Variants in STOX2 observed in about 807,000 individuals in gnomAD.
STOX2 encodes storkhead-box protein 2.
In STOX2, 28 loss-of-function variants were observed where a neutral mutation model predicts 60.9. The ratio of observed to expected loss-of-function variants is 0.46; its 90% CI spans 0.34 to 0.63. STOX2 has a LOEUF of 0.63. Among genes scored for constraint, STOX2 ranks in the 30% least tolerant of loss-of-function variants. The pLI, the probability that STOX2 is intolerant of heterozygous loss-of-function variation, is 0.01. For missense variants in STOX2, 1,024 were observed against 1,187.7 expected, an observed-to-expected ratio of 0.86 and a Z score of 2.03; for synonymous variants, 472 against 463.9, an observed-to-expected ratio of 1.02 and a Z score of -0.22.
chr4:183,939,322 C>A (rs1011565285), intron 1 of STOX2, among the ~76,000 whole-genome samples: 1 of 152,182 alleles, frequency 6.6e-6, no homozygotes, highest in African/African-American at 2.4e-5. Context: ...AGTCCTCCTT[C>A]GTCTGTGGCT....
At position 183,865,951 on chromosome 4, in the gene STOX2, G is replaced by T. The variant is rs1375821357; in HGVS notation, c.364+67896G>T. 2.0e-5 allele frequency among the ~76,000 whole-genome samples: 3 copies of T among 152,146 alleles called. No individual in the cohort carries two copies. Among genetic ancestry groups the T allele is most frequent in the Non-Finnish European group, 4.4e-5 (3 of 68,032 alleles). On this transcript the variant is annotated intron_variant, in intron 1 of 2. Transcript: ENST00000513034. This position sits in a 1 kb window ranked among gnomAD's most constrained non-coding sequence, Gnocchi z 4.1. Reference sequence around the variant, plus strand: ...TAAAGATTAGGCTTTAGGAAAAATGGAAGACGGAGTTGACACAGGTGAATA... The same window carrying T: ...TAAAGATTAGGCTTTAGGAAAAATGTAAGACGGAGTTGACACAGGTGAATA...
chr4:183,898,283 A>G (rs1331952134), intron 1 of STOX2, among the ~76,000 whole-genome samples: 2 of 152,072 alleles, frequency 1.3e-5, no homozygotes, highest in Non-Finnish European at 1.5e-5. Flanking sequence ...CAGGGAGAGC[A>G]GTGAGAGGAG....
intron 1 of STOX2, among the ~76,000 whole-genome samples, chr4:183,878,401 G>A (rs910537120): frequency 6.6e-6 from 1 of 152,098 alleles, no homozygotes; most frequent in Non-Finnish European, 1.5e-5. Flanking sequence ...GGTGGTTTTG[G>A]CCACGGAAAA....
intron 1 of STOX2, among the ~76,000 whole-genome samples, chr4:183,880,030 C>A (rs914419641): frequency 6.6e-6 from 1 of 151,976 alleles, no homozygotes; most frequent in African/African-American, 2.4e-5. Context: ...GCTCTGTTGC[C>A]CAGAGTTGCA....
chr4:183,888,236 C>CAA (rs1249224032), intron 1 of STOX2, among the ~76,000 whole-genome samples: 8 of 152,172 alleles, frequency 5.3e-5, no homozygotes, highest in Admixed American at 2.0e-4. Context: ...CCTCCTTAGA[C>CAA]CCTTCCCCTA....
At position 183,864,159 on chromosome 4, in the gene STOX2, C is replaced by T. The variant is rs117605399; in HGVS notation, c.364+66104C>T. Among the ~76,000 whole-genome samples the T allele has an allele frequency of 6.1e-4, 93 of 152,104 alleles. No individual in the cohort carries two copies. The East Asian group carries it at 0.015, about 24-fold the overall frequency. On this transcript the variant is annotated intron_variant, in intron 1 of 2. Transcript: ENST00000513034. ...AAATATGAGGAAATACAGAGGTAAA[C>T]GAGGCTGTTTACTGCAGGACTTCTC... is the stretch of plus-strand genomic sequence containing the variant.
intron 1 of STOX2, among the ~76,000 whole-genome samples, chr4:183,993,443 G>A (rs1441305068): frequency 1.3e-5 from 2 of 152,182 alleles, no homozygotes; most frequent in African/African-American, 4.8e-5. Flanking sequence ...CCCATTAGAA[G>A]TTTCTTAGTA....
intron 1 of STOX2, among the ~76,000 whole-genome samples, chr4:183,947,083 G>C (rs1356069989): frequency 5.1e-5 from 2 of 38,966 alleles, no homozygotes; most frequent in Admixed American, 3.3e-4. Flanking sequence ...TCCTGGTGGG[G>C]GGTGGGGCAA....
chr4:183,877,959 G>A (rs1740869966), intron 1 of STOX2, among the ~76,000 whole-genome samples: 1 of 152,092 alleles, frequency 6.6e-6, no homozygotes, highest in Admixed American at 6.6e-5. Flanking sequence ...CAAAGTGCTG[G>A]GATTACAGGT....
At chr4:183,971,962 G>T (rs948794694) in intron 1 of STOX2, among the ~76,000 whole-genome samples, 11 of 152,204 alleles carry the variant, frequency 7.2e-5, no homozygotes, top group Non-Finnish European at 1.3e-4. Context: ...CTCCGAGGTA[G>T]CCCGAAATCC....
At chr4:183,974,371 A>G (rs944758120) in intron 1 of STOX2, among the ~76,000 whole-genome samples, 4 of 152,200 alleles carry the variant, frequency 2.6e-5, no homozygotes, top group African/African-American at 7.2e-5. Context: ...TTAAATTTCA[A>G]CGTATAACTA....
chr4:184,011,720 T>G lies in STOX2; in HGVS notation c.2585+297T>G. 1 of 999,688 alleles carries G rather than the reference T, an allele frequency of 1.0e-6. No individual in the cohort carries two copies. Among genetic ancestry groups the G allele is most frequent in the Admixed American group, 3.4e-5 (1 of 29,144 alleles). 61.9% of individuals were successfully genotyped at this position (999,688 alleles called of 1,614,324 possible). A position where few individuals can be genotyped will look rare whatever the true frequency, so the allele number is the denominator to read the frequency against. On this transcript the variant is annotated intron_variant, in intron 3 of 3. Coordinates refer to ENST00000308497, the MANE Select transcript of STOX2 (RefSeq NM_020225.3). This position sits in a 1 kb window ranked among gnomAD's most constrained non-coding sequence, Gnocchi z 4.4. ...CAGTATTTTTTCTGCTACGTTCATA[T>G]TGCCACCCATGCTAAGAGAAGGATG...
intron 2 of STOX2, among the ~76,000 whole-genome samples, chr4:184,005,364 T>C (rs1376199439): frequency 9.9e-6 from 1 of 101,290 alleles, no homozygotes; most frequent in East Asian, 2.8e-4. Context: ...GTGGCTGAGG[T>C]ACAATAATCA....
rs56387618 is a variant in STOX2 at position 184,001,953 on chromosome 4, T to TA, written c.319+477dup. 0.14 allele frequency among the ~76,000 whole-genome samples: 21,887 copies of TA among 152,220 alleles called. 2,113 individuals are homozygous for TA. Among genetic ancestry groups the TA allele is most frequent in the East Asian group, 0.35 (1,819 of 5,182 alleles). On this transcript the variant is annotated intron_variant, in intron 2 of 3. Transcript: ENST00000308497. The surrounding 1 kb of genome is among the most constrained non-coding windows in gnomAD (Gnocchi z 4.2). Reference sequence around the variant, plus strand: ...ATTTCATTTTAAAAAATAAAATACTTACTTTTCTCTTAAATGTTATAAAAA... The same window carrying TA: ...ATTTCATTTTAAAAAATAAAATACTTAACTTTTCTCTTAAATGTTATAAAAA...
At chr4:183,887,327 C>G (rs1414497330) in intron 1 of STOX2, among the ~76,000 whole-genome samples, 1 of 151,770 alleles carries the variant, frequency 6.6e-6, no homozygotes, top group Non-Finnish European at 1.5e-5. Flanking sequence ...AAGAGGACAA[C>G]CATTTGTCAG....
intron 1 of STOX2, among the ~76,000 whole-genome samples, chr4:183,928,970 A>C (rs892028189): frequency 3.3e-5 from 5 of 152,194 alleles, no homozygotes; most frequent in African/African-American, 1.2e-4. Flanking sequence ...GAAGCTTTGG[A>C]TAAAGTGTGA....
intron 1 of STOX2, among the ~76,000 whole-genome samples, chr4:183,950,823 A>G (rs1444127842): frequency 6.6e-6 from 1 of 152,158 alleles, no homozygotes; most frequent in African/African-American, 2.4e-5. Flanking sequence ...GGCTGGTAGG[A>G]GGGAGCAGCT....
intron 1 of STOX2, among the ~76,000 whole-genome samples, chr4:183,875,609 C>G (rs1740811767): frequency 6.6e-6 from 1 of 152,188 alleles, no homozygotes; most frequent in Non-Finnish European, 1.5e-5. Flanking sequence ...TTGCAAAGCC[C>G]TCTAAGAAAA....
At chr4:183,897,689 A>G (rs562276324) in intron 1 of STOX2, among the ~76,000 whole-genome samples, 5 of 152,390 alleles carry the variant, frequency 3.3e-5, no homozygotes, top group African/African-American at 1.2e-4. Flanking sequence ...AATACACTTC[A>G]GATGCATTAG....
Sources: allele counts gnomAD v4.1 joint callset (sites outside exome capture counted in the v4.1 genomes callset), GRCh38; gene constraint gnomAD v4.1.1; non-coding constraint Gnocchi (gnomAD v3.1); transcripts MANE v1.5; gene names NCBI Gene and HGNC (gene_info 2026-07-23, HGNC 2026-07-21).